Variants in KIAA0825 observed in about 807,000 individuals in gnomAD.
The protein encoded by KIAA0825 is uncharacterized protein KIAA0825.
Under a neutral mutation model 147.6 loss-of-function variants are expected in KIAA0825, and 119 were observed. The ratio of observed to expected loss-of-function variants is 0.81; its 90% CI spans 0.69 to 0.94. KIAA0825 has a LOEUF of 0.94. KIAA0825 is among the 40% of genes least tolerant of loss of function. The pLI is 0.00. For synonymous variants in KIAA0825, 470 were observed against 518.1 expected (o/e 0.91, Z 1.26); for missense variants, 1,381 against 1,472.7 (o/e 0.94, Z 1.02).
At chr5:94,315,007 A>G (rs1216286595) in intron 20 of KIAA0825, among the ~76,000 whole-genome samples, 1 of 151,604 alleles carries the variant, frequency 6.6e-6, no homozygotes, top group African/African-American at 2.4e-5. Flanking sequence ...GACAAATAGG[A>G]CTGTTGCCAT....
chr5:94,220,470 A>G (rs1159142593), intron 20 of KIAA0825, among the ~76,000 whole-genome samples: 1 of 152,194 alleles, frequency 6.6e-6, no homozygotes, highest in African/African-American at 2.4e-5. Context: ...ATTATTTACT[A>G]TACATAATTT....
At position 94,452,996 on chromosome 5, in the gene KIAA0825, C is replaced by T. The variant is rs910132796; in HGVS notation, c.2320G>A (p.Val774Ile). ...GGGTAGAAATGTGATATGCAAGAAA[C>T]CCAATATAATGGTTGCTTAAAAAAT... ...KSFFKQPLYW[V>I]SCISHFYPSL... Residue 774 changes from valine to isoleucine, a missense_variant, in exon 13 of 21, where the codon GTT becomes ATT. Physicochemically the swap from Val to Ile is conservative, Grantham distance 29. Coordinates refer to ENST00000682413, the MANE Select transcript of KIAA0825 (RefSeq NM_001145678.3). 5 of 1,530,360 alleles carry T rather than the reference C, an allele frequency of 3.3e-6. No individual in the cohort carries two copies. Among genetic ancestry groups the T allele is most frequent in the Non-Finnish European group, 4.4e-6 (5 of 1,138,844 alleles). The allele number at this position is 1,530,360 out of a possible 1,614,324, so 94.8% of individuals were successfully genotyped here. A position where few individuals can be genotyped will look rare whatever the true frequency, so the allele number is the denominator to read the frequency against.
At chr5:94,226,940 T>C (rs376582241) in intron 20 of KIAA0825, among the ~76,000 whole-genome samples, 5 of 152,040 alleles carry the variant, frequency 3.3e-5, no homozygotes, top group African/African-American at 9.7e-5. Flanking sequence ...CACTTTTACA[T>C]TGTTGGTGGG....
chr5:94,168,511 T>C (rs1028205278), intron 20 of KIAA0825, among the ~76,000 whole-genome samples: 1 of 152,186 alleles, frequency 6.6e-6, no homozygotes, highest in African/African-American at 2.4e-5. Context: ...AACAGTAACA[T>C]TTTAAATAGT....
At chr5:94,469,467 C>T (rs1334920284) in intron 10 of KIAA0825, among the ~76,000 whole-genome samples, 6 of 151,960 alleles carry the variant, frequency 3.9e-5, no homozygotes, top group East Asian at 3.9e-4. Context: ...CCACCGCACC[C>T]GGCCTCAAAT....
chr5:94,185,961 A>G (rs1770083751), intron 20 of KIAA0825, among the ~76,000 whole-genome samples: 1 of 152,184 alleles, frequency 6.6e-6, no homozygotes, highest in Non-Finnish European at 1.5e-5. Flanking sequence ...ACAGCACTAT[A>G]CAAATGTATT....
At chr5:94,383,212 T>C (rs1431129836) in intron 20 of KIAA0825, among the ~76,000 whole-genome samples, 1 of 152,150 alleles carries the variant, frequency 6.6e-6, no homozygotes, top group Non-Finnish European at 1.5e-5. Context: ...ATCAGTAAGC[T>C]TCTGGGTTGT....
At chr5:94,223,037 C>A (rs1232953775) in intron 20 of KIAA0825, among the ~76,000 whole-genome samples, 1 of 152,266 alleles carries the variant, frequency 6.6e-6, no homozygotes, top group African/African-American at 2.4e-5. Context: ...GTACTTAGAT[C>A]TAGACTTGTT....
intron 17 of KIAA0825, among the ~76,000 whole-genome samples, chr5:94,394,073 A>G (rs1428534475): frequency 1.3e-5 from 2 of 151,932 alleles, no homozygotes; most frequent in Non-Finnish European, 2.9e-5. Context: ...GCTGGTCTCG[A>G]ACTCCTGACC....
chr5:94,530,668 C>T (rs2151292895), intron 3 of KIAA0825, among the ~76,000 whole-genome samples: 1 of 152,286 alleles, frequency 6.6e-6, no homozygotes, highest in East Asian at 1.9e-4. Flanking sequence ...AGTTGACAGG[C>T]TTGGATTCAA....
intron 20 of KIAA0825, among the ~76,000 whole-genome samples, chr5:94,258,241 G>A (rs934617865): frequency 6.6e-6 from 1 of 151,990 alleles, no homozygotes; most frequent in Non-Finnish European, 1.5e-5. Flanking sequence ...AAGGGTATTG[G>A]TGGAAATTTA....
chr5:94,166,902 A>G (rs1562292048), intron 20 of KIAA0825, among the ~76,000 whole-genome samples: 2 of 152,196 alleles, frequency 1.3e-5, no homozygotes, highest in African/African-American at 4.8e-5. Flanking sequence ...ATGATGTTCT[A>G]TAGTCCCAAA....
chr5:94,468,644 G>C (rs1357733925), intron 10 of KIAA0825, among the ~76,000 whole-genome samples: 2 of 152,186 alleles, frequency 1.3e-5, no homozygotes, highest in Non-Finnish European at 2.9e-5. Flanking sequence ...CTTAGAAAAA[G>C]TGGAAAGTCC....
chr5:94,558,032 C>G (rs1272202096), intron 2 of KIAA0825, among the ~76,000 whole-genome samples: 1 of 152,192 alleles, frequency 6.6e-6, no homozygotes, highest in Admixed American at 6.5e-5. Context: ...TGCCGTTGTT[C>G]CTGCACAGCT....
intron 3 of KIAA0825, among the ~76,000 whole-genome samples, chr5:94,527,037 CTCACCCCTCAGAAT>C (rs1342417695): frequency 1.3e-5 from 2 of 151,956 alleles, no homozygotes; most frequent in Non-Finnish European, 2.9e-5. Context: ...TCCCTGACAC[CTCACCCCTCAGAAT>C]TCAGTACTTG....
At chr5:94,351,979 G>T (rs1275253047) in intron 20 of KIAA0825, among the ~76,000 whole-genome samples, 1 of 152,128 alleles carries the variant, frequency 6.6e-6, no homozygotes, top group African/African-American at 2.4e-5. Context: ...AATTCTAGAA[G>T]ATAACATTGG....
rs548634008 is a variant in KIAA0825, at chr5:94,403,817, T to C, written c.2663-24A>G. On this transcript the variant is annotated intron_variant, in intron 15 of 20. Coordinates refer to ENST00000682413, the MANE Select transcript of KIAA0825 (RefSeq NM_001145678.3). ...GACTTTAAAATCAGATGGCATATTA[T>C]GGTTAGCAGAACCTAGCAAATCAGT... 5.1e-4 allele frequency: 790 copies of C among 1,539,134 alleles called. 4 individuals carry two copies. Among genetic ancestry groups the C allele is most frequent in the Non-Finnish European group, 5.7e-4 (643 of 1,136,002 alleles).
chr5:94,311,318 G>C (rs1304854689), intron 20 of KIAA0825, among the ~76,000 whole-genome samples: 3 of 150,738 alleles, frequency 2.0e-5, no homozygotes, highest in South Asian at 4.2e-4. Context: ...AAGAGCAGGG[G>C]GACGAATCTG....
intron 20 of KIAA0825, among the ~76,000 whole-genome samples, chr5:94,262,622 C>T (rs1157456797): frequency 6.6e-6 from 1 of 152,080 alleles, no homozygotes; most frequent in Non-Finnish European, 1.5e-5. Context: ...GATGGATCTT[C>T]ATGTAGTCAT....
Sources: gnomAD v4.1 joint callset for allele counts (sites outside exome capture counted in the v4.1 genomes callset) on GRCh38, gnomAD v4.1.1 for gene constraint, MANE v1.5 for transcripts, NCBI Gene and HGNC (gene_info 2026-07-23, HGNC 2026-07-21) for gene names.